Variants in MTREX observed in about 807,000 individuals in gnomAD.
MTREX encodes the protein exosome RNA helicase MTR4.
A neutral mutation model predicts 135.4 loss-of-function variants in MTREX; 76 were observed. The observed-to-expected ratio is 0.56, with a 90% CI of 0.47 to 0.68. The LOEUF is 0.68. MTREX is among the 30% of genes least tolerant of loss of function. The pLI is 0.00. For synonymous variants in MTREX, 404 were observed against 401.6 expected (o/e 1.01, Z -0.07); for missense variants, 920 against 1,262.1 (o/e 0.73, Z 4.11).
chr5:55,416,280 T>C (rs1435566607), intron 25 of MTREX, 148 bp downstream of exon 25: 1 of 529,120 alleles, frequency 1.9e-6, no homozygotes, highest in Non-Finnish European at 3.2e-6. Context: ...AAAAATATTC[T>C]CCACAAATTC....
chr5:55,309,035 A>G (rs934835552), intron 1 of MTREX, among the ~76,000 whole-genome samples: 2 of 152,174 alleles, frequency 1.3e-5, no homozygotes, highest in African/African-American at 4.8e-5. Context: ...AATGATATAT[A>G]CAATTAAGTG....
intron 14 of MTREX, among the ~76,000 whole-genome samples, chr5:55,354,946 A>G (rs771544971): frequency 2.6e-5 from 4 of 152,228 alleles, no homozygotes; most frequent in Non-Finnish European, 1.5e-5. Context: ...ATCGGGGTCC[A>G]GACTGGAAGG....
At chr5:55,406,102 T>C (rs1044955940) in intron 22 of MTREX, among the ~76,000 whole-genome samples, 39 of 152,252 alleles carry the variant, frequency 2.6e-4, no homozygotes, top group Non-Finnish European at 8.8e-5. Context: ...ACAGAACTTA[T>C]TATAAGCCAC....
At chr5:55,309,633 T>C (rs1262422642) in intron 1 of MTREX, among the ~76,000 whole-genome samples, 1 of 152,218 alleles carries the variant, frequency 6.6e-6, no homozygotes, top group African/African-American at 2.4e-5. Context: ...GTGATAACAT[T>C]AATTTGGCTT....
Position 55,364,869 on chromosome 5 carries a change from G to A in MTREX, c.1660-1856G>A, listed in dbSNP as rs573292083. On this transcript the variant is annotated intron_variant, in intron 15 of 26. Coordinates refer to ENST00000230640, the MANE Select transcript of MTREX (RefSeq NM_015360.5). Reference sequence around the variant, plus strand: ...ATTAACCATCAATATATGTGAAAGAGAAAGTTGGTCAGAAATGAGGAAGAG... The same window carrying A: ...ATTAACCATCAATATATGTGAAAGAAAAAGTTGGTCAGAAATGAGGAAGAG... 1.3e-3 allele frequency among the ~76,000 whole-genome samples: 198 copies of A among 152,360 alleles called. 1 individual carries two copies. The highest frequency in any genetic ancestry group is 0.01 in the Middle Eastern group (3 of 294).
At chr5:55,358,396 A>G (rs1749955893) in intron 14 of MTREX, among the ~76,000 whole-genome samples, 177 bp from the exon 15 acceptor site, 1 of 152,000 alleles carries the variant, frequency 6.6e-6, no homozygotes, top group South Asian at 2.1e-4. Flanking sequence ...TTATTCTCAC[A>G]TGTTTTGCAT....
At chr5:55,327,578 C>T in intron 3 of MTREX, 138 bp from the exon 4 acceptor site, 1 of 625,702 alleles carries the variant, frequency 1.6e-6, no homozygotes, top group South Asian at 2.1e-5. Flanking sequence ...ATTTGATTTA[C>T]AGTGTCTGAG....
intron 6 of MTREX, among the ~76,000 whole-genome samples, chr5:55,341,415 G>A (rs1169642573): frequency 2.6e-5 from 4 of 152,132 alleles, no homozygotes; most frequent in Non-Finnish European, 5.9e-5. Context: ...TCTGTGGATT[G>A]TATCTGATTA....
intron 16 of MTREX, among the ~76,000 whole-genome samples, chr5:55,374,328 C>G (rs1406998634): frequency 6.7e-6 from 1 of 149,836 alleles, no homozygotes; most frequent in African/African-American, 2.5e-5. Context: ...CACTCTGTTG[C>G]CCAGACTGGA....
Position 55,397,429 on chromosome 5 carries a change from T to G in MTREX, c.2195T>G (p.Leu732Trp). Residue 732 changes from leucine (L) to tryptophan (W), a missense_variant, in exon 20 of 27, where the codon TTG becomes TGG. This residue lies in a region of MTREX where 467 missense variants were observed against 589.7 expected (regional missense o/e 0.79). Transcript: ENST00000230640. ...EKGEMQVVPV[L>W]VHLLSAISSV... is the part of the protein sequence containing the mutation. ...TTTTGGTCATAGGTTGTCCCAGTTT[T>G]GGTGCATCTCCTGTCTGCTATCAGC... 6.2e-7 allele frequency: 1 copy of G among 1,608,986 alleles called. No homozygotes were observed. The highest frequency in any genetic ancestry group is 8.5e-7 in the Non-Finnish European group (1 of 1,176,546).
intron 6 of MTREX, 112 bp downstream of exon 6, chr5:55,340,296 C>T (rs1401493458): frequency 7.4e-6 from 5 of 678,768 alleles, no homozygotes; most frequent in Non-Finnish European, 1.1e-5. Flanking sequence ...AAGTATAGTA[C>T]TTTATTTTCT....
chr5:55,376,084 G>A (rs1002214707), intron 16 of MTREX, among the ~76,000 whole-genome samples: 23 of 152,320 alleles, frequency 1.5e-4, no homozygotes, highest in Non-Finnish European at 2.5e-4. Context: ...AATCCAAGTC[G>A]TGGAGTTTAA....
intron 21 of MTREX, among the ~76,000 whole-genome samples, chr5:55,401,013 TTG>T (rs1286800810): frequency 1.3e-5 from 2 of 152,122 alleles, no homozygotes; most frequent in Non-Finnish European, 2.9e-5. Context: ...AGGCCAAATC[TTG>T]TGTGTGTGCG....
intron 10 of MTREX, 89 bp downstream of exon 10, chr5:55,345,285 C>G: frequency 1.2e-6 from 1 of 835,646 alleles, no homozygotes; most frequent in Non-Finnish European, 2.0e-6. Flanking sequence ...TTTTTTTTCT[C>G]AAGCTATGTA....
chr5:55,396,689 A>G (rs1286246649), intron 19 of MTREX, among the ~76,000 whole-genome samples: 1 of 152,248 alleles, frequency 6.6e-6, no homozygotes. Flanking sequence ...ACTGAGTTCA[A>G]TCACTGTACC....
chr5:55,382,142 T>A (rs977015284), intron 18 of MTREX, among the ~76,000 whole-genome samples: 3 of 152,250 alleles, frequency 2.0e-5, no homozygotes, highest in South Asian at 2.1e-4. Context: ...GCTTAATCTG[T>A]TCACATTGAG....
intron 21 of MTREX, among the ~76,000 whole-genome samples, chr5:55,404,098 G>A (rs1245904343): frequency 1.3e-5 from 2 of 152,156 alleles, no homozygotes; most frequent in Admixed American, 6.5e-5. Context: ...GAGGACATTG[G>A]TAGTCTCTGA....
At chr5:55,353,789 G>A (rs920004925) in intron 14 of MTREX, among the ~76,000 whole-genome samples, 1 of 152,098 alleles carries the variant, frequency 6.6e-6, no homozygotes, top group South Asian at 2.1e-4. Flanking sequence ...CAAAAAAAAA[G>A]AGATTCCTTT....
chr5:55,423,096 A>T, intron 26 of MTREX, 114 bp downstream of exon 26: 3 of 728,136 alleles, frequency 4.1e-6, no homozygotes, highest in Non-Finnish European at 7.1e-6. Context: ...CTGCATTGTC[A>T]TGGAGAGCTA....
Sources: allele counts gnomAD v4.1 joint callset (sites outside exome capture counted in the v4.1 genomes callset), GRCh38; gene constraint gnomAD v4.1.1; regional missense constraint gnomAD v4.1.1; transcripts MANE v1.5; gene names NCBI Gene and HGNC (gene_info 2026-07-23, HGNC 2026-07-21).